Variants in GRID1 observed in about 807,000 individuals in gnomAD.
GRID1 encodes the protein glutamate ionotropic receptor delta type subunit 1.
In GRID1, 28 loss-of-function variants were observed where a neutral mutation model predicts 98.0. That is an observed-to-expected ratio of 0.29 (90% confidence interval 0.21 to 0.39). GRID1 has a LOEUF of 0.39. Ranked by LOEUF, GRID1 falls within the 10% of genes least tolerant of loss-of-function variation. GRID1 has a pLI of 1.00. For synonymous variants in GRID1, 553 were observed against 538.5 expected (o/e 1.03, Z -0.37); for missense variants, 1,111 against 1,340.5 (o/e 0.83, Z 2.67).
chr10:86,034,630 A>T (rs1589345324), intron 4 of GRID1, among the ~76,000 whole-genome samples: 1 of 151,804 alleles, frequency 6.6e-6, no homozygotes, highest in African/African-American at 2.4e-5. Context: ...CTTCCTGGTA[A>T]GGGGCCTTCC....
intron 2 of GRID1, among the ~76,000 whole-genome samples, chr10:86,303,093 A>G (rs1376103608): frequency 6.6e-6 from 1 of 152,274 alleles, no homozygotes; most frequent in Non-Finnish European, 1.5e-5. Context: ...GTTAGACTAT[A>G]TTAAGAAATT....
intron 5 of GRID1, among the ~76,000 whole-genome samples, chr10:85,897,894 T>C (rs1260960699): frequency 6.6e-6 from 1 of 152,160 alleles, no homozygotes; most frequent in Admixed American, 6.6e-5. Flanking sequence ...ACTGTCACTC[T>C]GGCCCACGGC....
intron 2 of GRID1, among the ~76,000 whole-genome samples, chr10:86,363,413 G>C (rs1848628705): frequency 6.6e-6 from 1 of 152,346 alleles, no homozygotes. Flanking sequence ...GCAGAGAAGC[G>C]CCGGGCTGAG....
chr10:86,286,026 T>C lies in GRID1; in HGVS notation c.235+77915A>G, dbSNP rs80341864. ...TATAGGTGAGATGTAGATACAGATATAGATTTAAATTAGATGTCGGGATAG... is the reference window on the plus strand; with the variant it reads ...TATAGGTGAGATGTAGATACAGATACAGATTTAAATTAGATGTCGGGATAG... On this transcript the variant is annotated intron_variant, in intron 2 of 15. Coordinates refer to ENST00000327946, the MANE Select transcript of GRID1 (RefSeq NM_017551.3). 6.4e-3 allele frequency among the ~76,000 whole-genome samples: 975 copies of C among 152,244 alleles called. 7 individuals are homozygous for C. Among genetic ancestry groups the C allele is most frequent in the Non-Finnish European group, 9.4e-3 (640 of 68,036 alleles).
At chr10:85,734,569 C>T (rs905588921) in intron 8 of GRID1, among the ~76,000 whole-genome samples, 1 of 152,174 alleles carries the variant, frequency 6.6e-6, no homozygotes, top group Non-Finnish European at 1.5e-5. Flanking sequence ...AAAAAAAATA[C>T]TTCAAAGCAA....
chr10:85,995,617 C>A (rs1259677446), intron 4 of GRID1, among the ~76,000 whole-genome samples: 1 of 152,212 alleles, frequency 6.6e-6, no homozygotes, highest in African/African-American at 2.4e-5. Flanking sequence ...TAAACATGAG[C>A]AGGCAGATAG....
intron 2 of GRID1, among the ~76,000 whole-genome samples, chr10:86,349,258 A>G (rs909298171): frequency 2.6e-5 from 4 of 152,174 alleles, no homozygotes; most frequent in African/African-American, 9.7e-5. Context: ...TGCTGGGGGA[A>G]GAGGGGCTCC....
chr10:85,946,670 C>T (rs1045812355), intron 4 of GRID1, among the ~76,000 whole-genome samples: 5 of 152,152 alleles, frequency 3.3e-5, no homozygotes, highest in African/African-American at 1.2e-4. Context: ...AGGCCAGCCC[C>T]GGGGATTGCG....
chr10:86,131,632 A>C (rs1420580426), intron 4 of GRID1, among the ~76,000 whole-genome samples: 1 of 152,242 alleles, frequency 6.6e-6, no homozygotes, highest in African/African-American at 2.4e-5. Context: ...ATGGAACTCA[A>C]AATAGAAACA....
Position 86,101,561 on chromosome 10 carries a change from A to G in GRID1, c.726+37258T>C, listed in dbSNP as rs75336523. ...TTGAGTGCAGCTTCTGTCACTCAGCATATGCTTTTGAGAATTATCTCATGT... is the reference window on the plus strand; with the variant it reads ...TTGAGTGCAGCTTCTGTCACTCAGCGTATGCTTTTGAGAATTATCTCATGT... On this transcript the variant is annotated intron_variant, in intron 4 of 15. Transcript: ENST00000327946. Among the ~76,000 whole-genome samples, 852 of 151,936 alleles carry G rather than the reference A, an allele frequency of 5.6e-3. 12 individuals are homozygous for G. The highest frequency in any genetic ancestry group is 0.042 in the East Asian group (215 of 5,156).
chr10:85,911,974 G>A (rs1435066435), intron 5 of GRID1, among the ~76,000 whole-genome samples: 2 of 152,194 alleles, frequency 1.3e-5, no homozygotes, highest in Admixed American at 6.5e-5. Flanking sequence ...CCTTTCCATC[G>A]CTGAAACTCA....
intron 4 of GRID1, among the ~76,000 whole-genome samples, chr10:86,020,532 G>A (rs1249424229): frequency 6.6e-6 from 1 of 152,242 alleles, no homozygotes. Context: ...AGTGACCTTG[G>A]CTTCTCTAAG....
chr10:86,068,795 C>T (rs1843756314), intron 4 of GRID1, among the ~76,000 whole-genome samples: 1 of 152,168 alleles, frequency 6.6e-6, no homozygotes, highest in Non-Finnish European at 1.5e-5. Context: ...AAAACAAAAC[C>T]AACAGTGAAA....
chr10:85,617,154 T>C (rs887963842), intron 14 of GRID1, among the ~76,000 whole-genome samples: 1 of 152,120 alleles, frequency 6.6e-6, no homozygotes, highest in Non-Finnish European at 1.5e-5. Flanking sequence ...CAGGCATTGC[T>C]CTCAGGACCT....
chr10:85,876,290 T>A (rs1390718741), intron 5 of GRID1, among the ~76,000 whole-genome samples: 1 of 152,092 alleles, frequency 6.6e-6, no homozygotes, highest in South Asian at 2.1e-4. Context: ...GAGACATGTT[T>A]CTCACTTCTT....
At chr10:85,883,518 C>G (rs1355883673) in intron 5 of GRID1, among the ~76,000 whole-genome samples, 1 of 150,566 alleles carries the variant, frequency 6.6e-6, no homozygotes, top group Non-Finnish European at 1.5e-5. Context: ...CTGTCTCTCT[C>G]TCTCTCTCTC....
At chr10:86,350,490 A>G (rs1078789) in intron 2 of GRID1, among the ~76,000 whole-genome samples, 107,457 of 152,034 alleles carry the variant, frequency 0.71, 38,513 homozygotes, top group African/African-American at 0.82. Context: ...GGCCCAGCAC[A>G]TACAAGGAGA....
At chr10:85,881,511 C>G (rs1841014424) in intron 5 of GRID1, among the ~76,000 whole-genome samples, 2 of 152,162 alleles carry the variant, frequency 1.3e-5, no homozygotes, top group South Asian at 4.1e-4. Flanking sequence ...CTGACAAAAA[C>G]AAGCAATGGG....
In GRID1 at chr10:85,630,472, C is replaced by G. The variant is rs11201700; in HGVS notation, c.2194-10439G>C. On this transcript the variant is annotated intron_variant, in intron 13 of 15. Coordinates refer to ENST00000327946, the MANE Select transcript of GRID1 (RefSeq NM_017551.3). ...TAAAGTTTGGATCCTGATAACAACGCGAGTGCCTTGGAATAAATAGCACGT... is the reference window on the plus strand; with the variant it reads ...TAAAGTTTGGATCCTGATAACAACGGGAGTGCCTTGGAATAAATAGCACGT... 5.8e-3 allele frequency among the ~76,000 whole-genome samples: 888 copies of G among 152,308 alleles called. 6 individuals are homozygous for G. Among genetic ancestry groups the G allele is most frequent in the African/African-American group, 0.02 (834 of 41,552 alleles).
Sources: gnomAD v4.1 joint callset for allele counts (sites outside exome capture counted in the v4.1 genomes callset) on GRCh38, gnomAD v4.1.1 for gene constraint, MANE v1.5 for transcripts, NCBI Gene and HGNC (gene_info 2026-07-23, HGNC 2026-07-21) for gene names.